Variants in DICER1 observed in about 807,000 individuals in gnomAD.
DICER1 encodes dicer 1, ribonuclease III, also known as endoribonuclease Dicer.
Under a neutral mutation model 194.1 loss-of-function variants are expected in DICER1, and 43 were observed. That is an observed-to-expected ratio of 0.22 (90% CI 0.17 to 0.29). The LOEUF (loss-of-function observed/expected upper bound fraction) is 0.29. Among genes scored for constraint, DICER1 ranks in the 10% least tolerant of loss-of-function variants. The pLI is 1.00. For synonymous variants in DICER1, 832 were observed against 820.5 expected, an observed-to-expected ratio of 1.01 and a Z score of -0.24; for missense variants, 1,608 against 2,317.0, an observed-to-expected ratio of 0.69 and a Z score of 6.28.
Position 95,086,757 on chromosome 14 carries a change from TA to T in DICER1, c.*3740del. On this transcript the variant is annotated 3_prime_UTR_variant, in exon 27 of 27. Coordinates refer to ENST00000343455, the MANE Select transcript of DICER1 (RefSeq NM_177438.3). ...AAAATCATTTTAATAGTCTTGGTCTTAAACATATCTTTAAAACTTTTCATGT... is the reference window on the plus strand; with the variant it reads ...AAAATCATTTTAATAGTCTTGGTCTTAACATATCTTTAAAACTTTTCATGT... 2 of 232,772 alleles carry T rather than the reference TA, an allele frequency of 8.6e-6. No homozygotes were observed. Among genetic ancestry groups the T allele is most frequent in the Non-Finnish European group, 1.7e-5 (2 of 117,732 alleles). 14.4% of individuals were successfully genotyped at this position (232,772 alleles called of 1,614,324 possible).
chr14:95,146,632 G>A (rs1403270678), intron 1 of DICER1, among the ~76,000 whole-genome samples: 2 of 152,196 alleles, frequency 1.3e-5, no homozygotes, highest in East Asian at 3.9e-4. Context: ...CGCCAAACGT[G>A]GGTATGAGCC....
Position 95,105,866 on chromosome 14 carries a change from G to A in DICER1, c.2988-83C>T. 9 of 1,413,920 alleles carry A rather than the reference G, an allele frequency of 6.4e-6. No homozygotes were observed. The Admixed American group carries it at 1.2e-4, about 19-fold the overall frequency. The allele number at this position is 1,413,920 out of a possible 1,614,324, so 87.6% of individuals were successfully genotyped here. On this transcript the variant is annotated intron_variant, in intron 18 of 26. Coordinates refer to ENST00000343455, the MANE Select transcript of DICER1 (RefSeq NM_177438.3). The surrounding 1 kb of genome is among the most constrained non-coding windows in gnomAD (Gnocchi z 4.9). ...TGGTTCTCCAAAAACCACCTGAAGA[G>A]CTCATTTCAACTACAGCCTCTTGGG...
chr14:95,091,910 C>A (rs573674449), intron 24 of DICER1, among the ~76,000 whole-genome samples: 1 of 152,062 alleles, frequency 6.6e-6, no homozygotes, highest in Admixed American at 6.5e-5. Flanking sequence ...TCACTATAAC[C>A]GAGTATCTGA....
At chr14:95,126,773 T>C in intron 6 of DICER1, 25 bp from the exon 7 acceptor site, 1 of 1,480,032 alleles carries the variant, frequency 6.8e-7, no homozygotes, top group Non-Finnish European at 9.2e-7. Flanking sequence ...ACAAAAGGTA[T>C]CAATACTGCA....
chr14:95,123,251 GAGAA>G (rs1187371214), intron 8 of DICER1, among the ~76,000 whole-genome samples: 1 of 152,146 alleles, frequency 6.6e-6, no homozygotes, highest in Non-Finnish European at 1.5e-5. Context: ...TCATTGAAGG[GAGAA>G]AGAGTAGGAA....
chr14:95,094,448 C>T (rs1283457355), intron 23 of DICER1, among the ~76,000 whole-genome samples: 1 of 152,172 alleles, frequency 6.6e-6, no homozygotes, highest in Non-Finnish European at 1.5e-5. Context: ...ATCATGATCA[C>T]TGAATGCTTT....
Position 95,098,925 on chromosome 14 carries a change from T to C in DICER1, c.4206+855A>G, listed in dbSNP as rs1014027508. Among the ~76,000 whole-genome samples the C allele has an allele frequency of 3.9e-5, 6 of 152,120 alleles. 1 individual carries two copies. The highest frequency in any genetic ancestry group is 4.1e-4 in the South Asian group (2 of 4,826). ...CTGGAAATACTTAAAGGCAGATATA[T>C]AGGATACATGCATCACAAAGAAGAC... On this transcript the variant is annotated intron_variant, in intron 22 of 26. Coordinates refer to ENST00000343455, the MANE Select transcript of DICER1 (RefSeq NM_177438.3).
chr14:95,134,742 T>G (rs1317608142), intron 1 of DICER1, among the ~76,000 whole-genome samples: 4 of 152,222 alleles, frequency 2.6e-5, no homozygotes, highest in African/African-American at 9.6e-5. Context: ...GGCACCCCAC[T>G]GCCGGAGCTG....
chr14:95,132,677 C>A lies in DICER1; in HGVS notation c.145G>T (p.Val49Phe). Residue 49 changes from valine to phenylalanine, a missense_variant and splice_region_variant, in exon 3 of 27, where the codon GTT becomes TTT. By Grantham distance (50) the Val-to-Phe change is conservative (BLOSUM62 -1). This residue lies in a region of DICER1 where 657 missense variants were observed against 910.1 expected (regional missense o/e 0.72). Transcript: ENST00000343455. ...TCCAGAGCTGCTTCAAGCAGTTCAA[C>A]CTAGAAACATGGTGAAAAAAAAGTT... The part of the protein sequence containing the change: ...DNIYTPRKYQ[V>F]ELLEAALDHN... The A allele has an allele frequency of 6.2e-7, 1 of 1,613,706 alleles. No individual in the cohort carries two copies.
At chr14:95,157,786 T>C (rs561502088), upstream of DICER1, 28 of 152,452 alleles carry the variant, frequency 1.8e-4, 1 homozygote, top group African/African-American at 6.5e-4. Context: ...CGAGGCCGGC[T>C]AAGTTTGGCA....
chr14:95,105,835 TCA>T lies in DICER1; in HGVS notation c.2988-54_2988-53del. 6.6e-7 allele frequency: 1 copy of T among 1,524,638 alleles called. No individual in the cohort carries two copies. The highest frequency in any genetic ancestry group is 9.1e-7 in the Non-Finnish European group (1 of 1,099,612). 94.4% of individuals were successfully genotyped at this position (1,524,638 alleles called of 1,614,324 possible). A position where few individuals can be genotyped will look rare whatever the true frequency, so the allele number is the denominator to read the frequency against. On this transcript the variant is annotated intron_variant, in intron 18 of 26. Transcript: ENST00000343455. This position sits in a 1 kb window ranked among gnomAD's most constrained non-coding sequence, Gnocchi z 4.9. ...CAAACACACAAAAATGAGTACATAT[TCA>T]CAGTGGTTCTCCAAAAACCACCTGA...
At chr14:95,153,957 AGAGC>A (rs1895680729) in intron 1 of DICER1, among the ~76,000 whole-genome samples, 1 of 152,264 alleles carries the variant, frequency 6.6e-6, no homozygotes, top group African/African-American at 2.4e-5. Context: ...CCTGTGAATA[AGAGC>A]GAGTATAATA....
intron 1 of DICER1, among the ~76,000 whole-genome samples, chr14:95,138,970 A>T (rs989753404): frequency 1.2e-4 from 7 of 58,424 alleles, no homozygotes; most frequent in African/African-American, 1.9e-4. Context: ...AGTATAATAA[A>T]AAAAATAAAA....
chr14:95,112,982 G>T, intron 12 of DICER1, 110 bp downstream of exon 12: 1 of 1,195,346 alleles, frequency 8.4e-7, no homozygotes, highest in Non-Finnish European at 1.2e-6. Context: ...GCTCATGAAA[G>T]TAGATTTTAA....
At position 95,115,624 on chromosome 14, in the gene DICER1, G is replaced by A. The variant is rs11624081; in HGVS notation, c.1907+43C>T. The stretch of plus-strand genomic sequence containing the variant: ...ATGTACAGGTTTAGACTTAAACTGT[G>A]CAACATTCCCAGGTTTTCCACACAA... On this transcript the variant is annotated intron_variant, in intron 11 of 26. Transcript: ENST00000343455. 0.095 allele frequency: 151,723 copies of A among 1,604,980 alleles called. 8,685 individuals are homozygous for A. The highest frequency in any genetic ancestry group is 0.11 in the Non-Finnish European group (133,188 of 1,171,750).
At chr14:95,100,597 C>T (rs1232560667) in intron 21 of DICER1, among the ~76,000 whole-genome samples, 2 of 152,172 alleles carry the variant, frequency 1.3e-5, no homozygotes, top group South Asian at 2.1e-4. Context: ...CCCTCTACTC[C>T]GGTCTGTTTT....
chr14:95,118,585 G>T (rs1023866514), intron 8 of DICER1, among the ~76,000 whole-genome samples: 2 of 152,152 alleles, frequency 1.3e-5, no homozygotes, highest in African/African-American at 4.8e-5. Flanking sequence ...AAATGGCAAA[G>T]AGCTACGGGA....
In DICER1 at chr14:95,107,937, G is replaced by C; in HGVS notation, c.2593C>G (p.Leu865Val). 1 of 1,614,034 alleles carries C rather than the reference G, an allele frequency of 6.2e-7. No individual in the cohort carries two copies. Among genetic ancestry groups the C allele is most frequent in the Non-Finnish European group, 8.5e-7 (1 of 1,179,960 alleles). The change falls in exon 16 of 27, where the codon CTA becomes GTA. Residue 865 changes from leucine to valine, a missense_variant. Leu to Val is a conservative substitution (Grantham distance 32, BLOSUM62 1). Coordinates refer to ENST00000343455, the MANE Select transcript of DICER1 (RefSeq NM_177438.3). ...SHILRLEKPA[L>V]EFKPTDADSA... is the part of the protein sequence containing the mutation. ...TCAGCGTCTGTAGGTTTAAATTCTA[G>C]TGCAGGTTTTTCAAGCCGAAGAATA...
At chr14:95,096,864 A>G (rs1458679889) in intron 22 of DICER1, 151 bp from the exon 23 acceptor site, 3 of 852,790 alleles carry the variant, frequency 3.5e-6, no homozygotes, top group East Asian at 2.7e-5. Flanking sequence ...TTTGTTTTCA[A>G]TTAACATAAA....
Sources: gnomAD v4.1 joint callset for allele counts (sites outside exome capture counted in the v4.1 genomes callset) on GRCh38, gnomAD v4.1.1 for gene constraint, gnomAD v4.1.1 regional missense constraint, Gnocchi (gnomAD v3.1) non-coding constraint, MANE v1.5 for transcripts, NCBI Gene and HGNC (gene_info 2026-07-23, HGNC 2026-07-21) for gene names.